Variants in SGCZ observed in about 807,000 individuals in gnomAD.
SGCZ encodes the protein zeta-sarcoglycan.
SGCZ carries 40 observed loss-of-function variants against 41.3 expected under a neutral mutation model. The observed-to-expected ratio is 0.97, with a 90% CI of 0.75 to 1.26. The LOEUF (loss-of-function observed/expected upper bound fraction) is 1.26. SGCZ is among the 50% of genes most tolerant of loss of function. The probability of loss-of-function intolerance (pLI) is 0.00; values close to 1 mark genes in which losing one functional copy is unlikely to be tolerated. For synonymous variants in SGCZ, 206 were observed against 137.5 expected, an observed-to-expected ratio of 1.50 and a Z score of -3.49; for missense variants, 552 against 369.8, an observed-to-expected ratio of 1.49 and a Z score of -4.04.
At chr8:14,300,146 A>C (rs1427485990) in intron 3 of SGCZ, among the ~76,000 whole-genome samples, 3 of 152,024 alleles carry the variant, frequency 2.0e-5, no homozygotes, top group Non-Finnish European at 4.4e-5. Flanking sequence ...TGTGAATTAC[A>C]AGGATGTATA....
intron 1 of SGCZ, among the ~76,000 whole-genome samples, chr8:14,675,849 T>A (rs972261474): frequency 2.6e-5 from 4 of 152,190 alleles, no homozygotes; most frequent in Non-Finnish European, 5.9e-5. Flanking sequence ...CTGTGCAGAT[T>A]TGGGGGACCC....
intron 1 of SGCZ, among the ~76,000 whole-genome samples, chr8:14,762,012 A>G (rs1165418480): frequency 6.6e-6 from 1 of 152,162 alleles, no homozygotes; most frequent in Non-Finnish European, 1.5e-5. Flanking sequence ...TACACAATGG[A>G]AAGTTTTTCT....
At chr8:14,516,163 A>G (rs1382632828) in intron 2 of SGCZ, among the ~76,000 whole-genome samples, 1 of 150,518 alleles carries the variant, frequency 6.6e-6, no homozygotes, top group Admixed American at 6.6e-5. Flanking sequence ...ATTTTACTTT[A>G]GGTTTGAGGG....
chr8:14,464,925 A>G (rs989846125), intron 2 of SGCZ, among the ~76,000 whole-genome samples: 2 of 151,598 alleles, frequency 1.3e-5, no homozygotes, highest in Non-Finnish European at 3.0e-5. Context: ...ATTTAATGCC[A>G]TTGTGGTTGG....
intron 4 of SGCZ, among the ~76,000 whole-genome samples, chr8:14,221,900 G>T (rs944891354): frequency 6.6e-6 from 1 of 151,806 alleles, no homozygotes; most frequent in East Asian, 2.0e-4. Context: ...GGTGGAGGTT[G>T]CAGTGAGCCG....
intron 1 of SGCZ, among the ~76,000 whole-genome samples, chr8:14,759,082 G>C (rs1585236814): frequency 6.6e-6 from 1 of 152,012 alleles, no homozygotes; most frequent in African/African-American, 2.4e-5. Flanking sequence ...AACTGTATGG[G>C]GAAAGTGTGC....
At chr8:14,647,507 T>C (rs1301132423) in intron 1 of SGCZ, among the ~76,000 whole-genome samples, 5 of 151,978 alleles carry the variant, frequency 3.3e-5, no homozygotes, top group Middle Eastern at 3.2e-3. Flanking sequence ...AACATATCTA[T>C]GTAAAGTCAC....
At chr8:14,602,669 T>C (rs568379683) in intron 1 of SGCZ, among the ~76,000 whole-genome samples, 4 of 152,358 alleles carry the variant, frequency 2.6e-5, no homozygotes, top group African/African-American at 9.6e-5. Context: ...CCTTAGCTGA[T>C]ATTTTCCTTT....
chr8:15,171,069 A>C (rs1417394154), intron 1 of SGCZ, among the ~76,000 whole-genome samples: 1 of 152,238 alleles, frequency 6.6e-6, no homozygotes, highest in African/African-American at 2.4e-5. Context: ...AATAATTTAA[A>C]ACAACAGAAA....
At chr8:15,083,785 G>T (rs771660366) in intron 1 of SGCZ, among the ~76,000 whole-genome samples, 12 of 151,816 alleles carry the variant, frequency 7.9e-5, no homozygotes, top group Non-Finnish European at 1.3e-4. Flanking sequence ...TTTGAGATGG[G>T]GTCTCCCTAC....
intron 1 of SGCZ, among the ~76,000 whole-genome samples, chr8:14,612,847 A>T (rs1413549943): frequency 1.3e-5 from 2 of 151,982 alleles, no homozygotes; most frequent in Non-Finnish European, 2.9e-5. Flanking sequence ...CATCACACCC[A>T]GCTAATTTTT....
intron 3 of SGCZ, among the ~76,000 whole-genome samples, chr8:14,288,060 A>C (rs567389103): frequency 3.6e-4 from 54 of 152,092 alleles, no homozygotes; most frequent in African/African-American, 1.1e-3. Flanking sequence ...CTTTGAGATA[A>C]ATACTGTGAA....
chr8:15,220,885 C>A (rs1585688061), intron 1 of SGCZ, among the ~76,000 whole-genome samples: 2 of 152,178 alleles, frequency 1.3e-5, no homozygotes, highest in South Asian at 2.1e-4. Flanking sequence ...AAGCAGGAAA[C>A]CATCATTCTG....
At chr8:14,230,283 A>C (rs1037920375) in intron 4 of SGCZ, among the ~76,000 whole-genome samples, 7 of 152,278 alleles carry the variant, frequency 4.6e-5, no homozygotes, top group African/African-American at 1.4e-4. Flanking sequence ...TAAATCCCAG[A>C]GACTTGGTCA....
intron 1 of SGCZ, among the ~76,000 whole-genome samples, chr8:15,086,805 A>G (rs1805965934): frequency 6.6e-6 from 1 of 151,972 alleles, no homozygotes; most frequent in African/African-American, 2.4e-5. Context: ...TTCTCTCTGC[A>G]TTGTCTTTCT....
rs180739783 is a variant in SGCZ, at chr8:14,421,504, T to G, written c.235-97300A>C. Among the ~76,000 whole-genome samples, 575 of 152,308 alleles carry G rather than the reference T, an allele frequency of 3.8e-3. 4 individuals carry two copies. The highest frequency in any genetic ancestry group is 0.013 in the African/African-American group (559 of 41,574). On this transcript the variant is annotated intron_variant, in intron 2 of 7. Coordinates refer to ENST00000382080, the MANE Select transcript of SGCZ (RefSeq NM_139167.4). Reference sequence around the variant, plus strand: ...CAACTCCAAGGTATTCTTATTTCAGTGTCCAAATTTGAAATTCCTGGACAT... The same window carrying G: ...CAACTCCAAGGTATTCTTATTTCAGGGTCCAAATTTGAAATTCCTGGACAT...
At chr8:14,359,092 A>G (rs1426987434) in intron 2 of SGCZ, among the ~76,000 whole-genome samples, 1 of 151,646 alleles carries the variant, frequency 6.6e-6, no homozygotes, top group East Asian at 1.9e-4. Context: ...ATCTATTGGT[A>G]ATTATAATTA....
intron 5 of SGCZ, among the ~76,000 whole-genome samples, chr8:14,158,144 T>A (rs897502376): frequency 1.8e-4 from 27 of 152,144 alleles, no homozygotes; most frequent in African/African-American, 6.3e-4. Flanking sequence ...AAGTGCTTCT[T>A]ATAATGGTCC....
At chr8:15,190,144 A>G (rs1486944973) in intron 1 of SGCZ, among the ~76,000 whole-genome samples, 1 of 151,944 alleles carries the variant, frequency 6.6e-6, no homozygotes, top group Non-Finnish European at 1.5e-5. Flanking sequence ...TCCTCTGTAC[A>G]CTCAAACCCT....
Sources: gnomAD v4.1 joint callset for allele counts (sites outside exome capture counted in the v4.1 genomes callset) on GRCh38, gnomAD v4.1.1 for gene constraint, MANE v1.5 for transcripts, NCBI Gene and HGNC (gene_info 2026-07-23, HGNC 2026-07-21) for gene names.